The following RPL19 variants were observed in gnomAD, a reference collection of about 807,000 sequenced individuals.
The protein encoded by RPL19 is ribosomal protein L19.
A neutral mutation model predicts 25.1 loss-of-function variants in RPL19; 2 were observed. The observed-to-expected ratio is 0.08, with a 90% CI of 0.03 to 0.25. The LOEUF is 0.25. Ranked by LOEUF, RPL19 falls within the 10% of genes least tolerant of loss-of-function variation. The probability of loss-of-function intolerance (pLI) is 1.00; values close to 1 mark genes in which losing one functional copy is unlikely to be tolerated. For missense variants in RPL19, 123 were observed against 271.8 expected (o/e 0.45, Z 3.85); for synonymous variants, 89 against 91.2 (o/e 0.98, Z 0.14).
intron 3 of RPL19, 109 bp from the exon 4 acceptor site, chr17:39,202,880 T>G: frequency 8.3e-7 from 1 of 1,209,248 alleles, no homozygotes; most frequent in Non-Finnish European, 1.2e-6. Context: ...AAAATGAGGT[T>G]GTGAGGATTA....
In RPL19 at chr17:39,201,416, T is replaced by A. The variant is rs527253413; in HGVS notation, c.112+97T>A. ...TTGTGTTGACTTTTTTTTTTTTTTT[T>A]AGACAGTCTTGCTCTGTTGTCCAGG... On this transcript the variant is annotated intron_variant, in intron 2 of 5. Transcript: ENST00000225430. 7.0e-4 allele frequency: 494 copies of A among 710,498 alleles called. 5 individuals are homozygous for A. The highest frequency in any genetic ancestry group is 6.9e-3 in the South Asian group (393 of 57,194). The allele number at this position is 710,498 out of a possible 1,614,324, so 44.0% of individuals were successfully genotyped here.
intron 1 of RPL19, 190 bp from the exon 2 acceptor site, chr17:39,201,023 G>C: frequency 3.7e-6 from 2 of 544,040 alleles, no homozygotes; most frequent in East Asian, 3.0e-5. Flanking sequence ...GAGAGGTGAA[G>C]GCATAGCGTG....
chr17:39,201,114 C>A, intron 1 of RPL19, 99 bp from the exon 2 acceptor site: 1 of 773,576 alleles, frequency 1.3e-6, no homozygotes, highest in Non-Finnish European at 2.2e-6. Context: ...TCTTATTTCG[C>A]GGCTGTGGTG....
intron 1 of RPL19, chr17:39,200,667 G>A: frequency 8.8e-7 from 1 of 1,132,992 alleles, no homozygotes; most frequent in Non-Finnish European, 1.1e-6. Context: ...GGCACACCCG[G>A]AGCGGAGCCG....
chr17:39,201,429 T>C (rs2046288215), intron 2 of RPL19, 110 bp downstream of exon 2: 1 of 683,130 alleles, frequency 1.5e-6, no homozygotes, highest in South Asian at 1.8e-5. Flanking sequence ...ACAGTCTTGC[T>C]CTGTTGTCCA....
chr17:39,202,157 G>A (rs548982514), intron 2 of RPL19, among the ~76,000 whole-genome samples, 160 bp from the exon 3 acceptor site: 4 of 152,292 alleles, frequency 2.6e-5, no homozygotes, highest in African/African-American at 9.6e-5. Context: ...AAAGATAGAG[G>A]TTTTTTGGGT....
chr17:39,200,367 T>C lies in RPL19; in HGVS notation c.5+18T>C. On this transcript the variant is annotated intron_variant, in intron 1 of 5. Coordinates refer to ENST00000225430, the MANE Select transcript of RPL19 (RefSeq NM_000981.4). ...GCCATGAGGTGAGGGCGAGCTGGTC[T>C]CCATCAGGCGCTGACGCGTGTCGAC... 2 of 1,563,516 alleles carry C rather than the reference T, an allele frequency of 1.3e-6. No individual in the cohort carries two copies. The highest frequency in any genetic ancestry group is 8.6e-7 in the Non-Finnish European group (1 of 1,156,828).
chr17:39,200,639 G>A (rs1471273121), intron 1 of RPL19: 1 of 1,180,952 alleles, frequency 8.5e-7, no homozygotes, highest in African/African-American at 1.6e-5. Context: ...AGACCAAGCC[G>A]TGGGCCCTTT....
Position 39,201,455 on chromosome 17 carries a change from G to A in RPL19, c.112+136G>A, listed in dbSNP as rs997092387. The A allele has an allele frequency of 1.3e-5, 8 of 615,640 alleles. No individual in the cohort carries two copies. The African/African-American group carries it at 1.5e-4, about 12-fold the overall frequency. The allele number at this position is 615,640 out of a possible 1,614,324, so 38.1% of individuals were successfully genotyped here. A position where few individuals can be genotyped will look rare whatever the true frequency, so the allele number is the denominator to read the frequency against. ...CTGTTGTCCAGGCTGGAGTGTAGTG[G>A]TGCCATCTGATCATTGCAACCCCTG... is the stretch of plus-strand genomic sequence containing the variant. On this transcript the variant is annotated intron_variant, in intron 2 of 5. Coordinates refer to ENST00000225430, the MANE Select transcript of RPL19 (RefSeq NM_000981.4).
chr17:39,203,403 G>C (rs144032543), intron 4 of RPL19, among the ~76,000 whole-genome samples: 2 of 151,708 alleles, frequency 1.3e-5, no homozygotes, highest in Non-Finnish European at 2.9e-5. Context: ...GGATGGTCTC[G>C]ATCTCCTGGC....
intron 1 of RPL19, 50 bp from the exon 2 acceptor site, chr17:39,201,163 C>G (rs1157546351): frequency 7.8e-7 from 1 of 1,289,128 alleles, no homozygotes; most frequent in African/African-American, 1.5e-5. Context: ...GACGTTCATT[C>G]TTGCCCAGGA....
intron 1 of RPL19, chr17:39,200,726 C>T (rs2046280659): frequency 2.8e-6 from 3 of 1,065,004 alleles, no homozygotes; most frequent in Non-Finnish European, 3.4e-6. Flanking sequence ...GGCCCCAGGC[C>T]TCCGACTGCC....
intron 3 of RPL19, 60 bp from the exon 4 acceptor site, chr17:39,202,929 G>A: frequency 6.3e-7 from 1 of 1,585,262 alleles, no homozygotes; most frequent in Non-Finnish European, 8.7e-7. Flanking sequence ...ATATTCACTT[G>A]GTGTACTTAT....
At chr17:39,201,787 G>A (rs146972769) in intron 2 of RPL19, among the ~76,000 whole-genome samples, 6,453 of 152,002 alleles carry the variant, frequency 0.042, 384 homozygotes, top group African/African-American at 0.14. Flanking sequence ...GGTCAGGCTG[G>A]TCTCAAACTC....
chr17:39,202,390 A>G lies in RPL19; in HGVS notation c.186A>G (p.Arg62=). ...CTGTGACGGTCCATTCCCGGGCTCG[A>G]TGCCGGAAAAACACCTTGGCCCGCC... The part of the protein sequence containing the change: ...RKPVTVHSRA[R]CRKNTLARRK... Residue 62 remains arginine (R), a synonymous_variant, in exon 3 of 6, where the codon CGA becomes CGG. Transcript: ENST00000225430. The G allele has an allele frequency of 6.2e-7, 1 of 1,614,226 alleles. No individual in the cohort carries two copies. Among genetic ancestry groups the G allele is most frequent in the East Asian group, 2.2e-5 (1 of 44,884 alleles).
chr17:39,201,168 C>A, intron 1 of RPL19, 45 bp from the exon 2 acceptor site: 2 of 1,340,164 alleles, frequency 1.5e-6, no homozygotes, highest in Non-Finnish European at 2.1e-6. Context: ...TCATTCTTGC[C>A]CAGGATTGGC....
At chr17:39,202,257 T>A in intron 2 of RPL19, 60 bp from the exon 3 acceptor site, 1 of 1,607,980 alleles carries the variant, frequency 6.2e-7, no homozygotes, top group Non-Finnish European at 8.5e-7. Context: ...CCTGGCCTAT[T>A]TGGACTCTGT....
intron 1 of RPL19, chr17:39,200,770 A>G: frequency 2.9e-6 from 3 of 1,044,616 alleles, no homozygotes; most frequent in Non-Finnish European, 3.5e-6. Context: ...GACTCCATTC[A>G]CTCCTTTGGC....
intron 1 of RPL19, 56 bp from the exon 2 acceptor site, chr17:39,201,156 GT>G: frequency 2.5e-6 from 3 of 1,179,788 alleles, no homozygotes; most frequent in Non-Finnish European, 3.8e-6. Context: ...TGATGGGGAC[GT>G]TCATTCTTGC....
Sources: allele counts gnomAD v4.1 joint callset (sites outside exome capture counted in the v4.1 genomes callset), GRCh38; gene constraint gnomAD v4.1.1; transcripts MANE v1.5; gene names NCBI Gene and HGNC (gene_info 2026-07-23, HGNC 2026-07-21).